The following KIF26B variants were observed in gnomAD, a reference collection of about 807,000 sequenced individuals.
KIF26B encodes kinesin-like protein KIF26B.
In KIF26B, 63 loss-of-function variants were observed where a neutral mutation model predicts 151.2. The ratio of observed to expected loss-of-function variants is 0.42; its 90% confidence interval spans 0.34 to 0.51. The LOEUF is 0.51. Ranked by LOEUF, KIF26B falls within the 20% of genes least tolerant of loss-of-function variation. The probability of loss-of-function intolerance (pLI) is 0.07; values close to 1 mark genes in which losing one functional copy is unlikely to be tolerated. For synonymous variants in KIF26B, 1,357 were observed against 1,262.1 expected, an observed-to-expected ratio of 1.08 and a Z score of -1.59; for missense variants, 2,813 against 2,913.6, an observed-to-expected ratio of 0.97 and a Z score of 0.79.
At chr1:245,380,890 T>C (rs1030386406) in intron 3 of KIF26B, among the ~76,000 whole-genome samples, 1 of 143,652 alleles carries the variant, frequency 7.0e-6, no homozygotes, top group Admixed American at 7.2e-5. Flanking sequence ...GTATTGTATC[T>C]CCTCCCTGGG....
chr1:245,363,902 C>T (rs1337634211), intron 2 of KIF26B, among the ~76,000 whole-genome samples: 1 of 152,178 alleles, frequency 6.6e-6, no homozygotes, highest in East Asian at 1.9e-4. Context: ...TTGGCTGGCA[C>T]AGCTGTGAGT....
intron 2 of KIF26B, among the ~76,000 whole-genome samples, chr1:245,229,249 A>G (rs893728253): frequency 1.3e-5 from 2 of 151,984 alleles, no homozygotes; most frequent in Non-Finnish European, 2.9e-5. Context: ...TGGGATTACA[A>G]GCGTGAGCCA....
chr1:245,642,353 A>G lies in KIF26B; in HGVS notation c.2099-3768A>G, dbSNP rs527628086. On this transcript the variant is annotated intron_variant, in intron 9 of 14. Coordinates refer to ENST00000407071, the MANE Select transcript of KIF26B (RefSeq NM_018012.4). Reference sequence around the variant, plus strand: ...CAGCAAGTCTCTGCACAAGTGGAGTAGTTTCTTGCCCATAACAGGAGGAGC... The same window carrying G: ...CAGCAAGTCTCTGCACAAGTGGAGTGGTTTCTTGCCCATAACAGGAGGAGC... Among the ~76,000 whole-genome samples the G allele has an allele frequency of 2.2e-4, 33 of 152,216 alleles. No individual in the cohort carries two copies. The South Asian group carries it at 6.8e-3, about 32-fold the overall frequency.
intron 2 of KIF26B, among the ~76,000 whole-genome samples, chr1:245,321,432 G>A (rs913585653): frequency 6.6e-6 from 1 of 152,122 alleles, no homozygotes; most frequent in African/African-American, 2.4e-5. Context: ...TTAGAATGTG[G>A]CCAATAGATT....
Position 245,704,844 on chromosome 1 carries a change from C to G in KIF26B, c.*2238C>G, listed in dbSNP as rs1282376257. Reference sequence around the variant, plus strand: ...CCATTGGGCTGCTGGTTGCTGGTTTCAAACATATAGTTCATGAAAAGTCTT... The same window carrying G: ...CCATTGGGCTGCTGGTTGCTGGTTTGAAACATATAGTTCATGAAAAGTCTT... On this transcript the variant is annotated 3_prime_UTR_variant, in exon 15 of 15. Transcript: ENST00000407071. The G allele has an allele frequency of 6.8e-6, 1 of 146,818 alleles. No individual in the cohort carries two copies. Among genetic ancestry groups the G allele is most frequent in the East Asian group, 2.0e-4 (1 of 4,956 alleles). 9.1% of individuals were successfully genotyped at this position (146,818 alleles called of 1,614,324 possible).
intron 2 of KIF26B, among the ~76,000 whole-genome samples, chr1:245,321,085 T>C (rs1390394517): frequency 2.0e-5 from 3 of 152,196 alleles, no homozygotes; most frequent in Non-Finnish European, 2.9e-5. Context: ...AAAAATCACA[T>C]ATCCACCATT....
intron 2 of KIF26B, among the ~76,000 whole-genome samples, chr1:245,265,072 G>T (rs2102959841): frequency 6.6e-6 from 1 of 151,890 alleles, no homozygotes; most frequent in Non-Finnish European, 1.5e-5. Flanking sequence ...CGTGGTGGCT[G>T]GCGCCTGTAG....
intron 2 of KIF26B, among the ~76,000 whole-genome samples, chr1:245,270,913 C>T: frequency 6.6e-6 from 1 of 152,146 alleles, no homozygotes; most frequent in East Asian, 1.9e-4. Context: ...GTCCTTTAAT[C>T]CATTTTGAGT....
intron 2 of KIF26B, among the ~76,000 whole-genome samples, chr1:245,238,192 T>C (rs936324331): frequency 1.3e-5 from 2 of 151,982 alleles, no homozygotes; most frequent in Admixed American, 1.3e-4. Flanking sequence ...AAAAATTAGC[T>C]GGGCATGGTG....
intron 4 of KIF26B, 74 bp downstream of exon 4, chr1:245,419,819 G>A: frequency 6.7e-6 from 9 of 1,343,830 alleles, no homozygotes; most frequent in Admixed American, 2.2e-5. Flanking sequence ...GACTAGCTCA[G>A]CTGAAACACT....
chr1:245,213,806 C>T (rs1052965961), intron 2 of KIF26B, among the ~76,000 whole-genome samples: 14 of 152,188 alleles, frequency 9.2e-5, no homozygotes, highest in African/African-American at 3.4e-4. Flanking sequence ...TTCCACTTGA[C>T]GCAGAATTTC....
chr1:245,678,659 T>C (rs141307263), intron 10 of KIF26B, among the ~76,000 whole-genome samples: 245 of 152,062 alleles, frequency 1.6e-3, no homozygotes, highest in African/African-American at 4.9e-3. Context: ...GTCAGGAGAT[T>C]GAGACCATCG....
chr1:245,334,564 C>T (rs748532975), intron 2 of KIF26B, among the ~76,000 whole-genome samples: 1 of 152,156 alleles, frequency 6.6e-6, no homozygotes, highest in Non-Finnish European at 1.5e-5. Context: ...CCTGCAGGAG[C>T]CTTCAGAAGA....
rs1370058559 is a variant in KIF26B, at chr1:245,540,163, T to C, written c.1167-604T>C. On this transcript the variant is annotated intron_variant, in intron 4 of 14. Transcript: ENST00000407071. The surrounding 1 kb of genome is among the most constrained non-coding windows in gnomAD (Gnocchi z 4.6). ...AAGACCTCCCTGCACAATATCCTCT[T>C]ATCTACGTAAGCAGCCCATAGCCTC... Among the ~76,000 whole-genome samples, 1 of 152,190 alleles carries C rather than the reference T, an allele frequency of 6.6e-6. No individual in the cohort carries two copies. Among genetic ancestry groups the C allele is most frequent in the Non-Finnish European group, 1.5e-5 (1 of 68,028 alleles).
intron 3 of KIF26B, among the ~76,000 whole-genome samples, chr1:245,394,982 C>T (rs1341334077): frequency 6.6e-6 from 1 of 152,168 alleles, no homozygotes; most frequent in African/African-American, 2.4e-5. Flanking sequence ...ACTGAGCCAT[C>T]ACGCCCAGCC....
intron 3 of KIF26B, among the ~76,000 whole-genome samples, chr1:245,402,884 G>A (rs763984176): frequency 1.3e-5 from 2 of 152,200 alleles, no homozygotes; most frequent in Non-Finnish European, 2.9e-5. Context: ...ACTCATGGCT[G>A]CGAAGAGTTT....
intron 4 of KIF26B, among the ~76,000 whole-genome samples, chr1:245,526,911 A>T (rs1412054955): frequency 6.6e-6 from 1 of 152,250 alleles, no homozygotes; most frequent in African/African-American, 2.4e-5. Context: ...CAAAATAAAG[A>T]CATTAAAAGT....
At chr1:245,590,224 C>T (rs1457279521) in intron 5 of KIF26B, among the ~76,000 whole-genome samples, 1 of 151,750 alleles carries the variant, frequency 6.6e-6, no homozygotes, top group African/African-American at 2.4e-5. Flanking sequence ...GAGCAGGGGT[C>T]GGGGCCCCTG....
At chr1:245,674,843 G>T (rs561811418) in intron 10 of KIF26B, among the ~76,000 whole-genome samples, 1 of 152,274 alleles carries the variant, frequency 6.6e-6, no homozygotes, top group Middle Eastern at 3.4e-3. Flanking sequence ...TTCAAACATG[G>T]AGAGCACGGC....
Sources: gnomAD v4.1 joint callset for allele counts (sites outside exome capture counted in the v4.1 genomes callset) on GRCh38, gnomAD v4.1.1 for gene constraint, Gnocchi (gnomAD v3.1) non-coding constraint, MANE v1.5 for transcripts, NCBI Gene and HGNC (gene_info 2026-07-23, HGNC 2026-07-21) for gene names.